RADX: variants seen among roughly 807,000 people sequenced by gnomAD.
RADX encodes the protein RPA1 related single stranded DNA binding protein, X-linked.
RADX carries 36 observed loss-of-function variants against 61.6 expected under a neutral mutation model. The observed-to-expected ratio is 0.58, with a 90% CI of 0.45 to 0.77. The LOEUF is 0.77. RADX is among the 30% of genes least tolerant of loss of function. RADX has a pLI of 0.00. For synonymous variants in RADX, 272 were observed against 237.9 expected, an observed-to-expected ratio of 1.14 and a Z score of -1.32; for missense variants, 497 against 651.1, an observed-to-expected ratio of 0.76 and a Z score of 2.58.
chrX:106,622,889 C>A, intron 2 of RADX, 96 bp downstream of exon 2: 1 of 442,405 alleles, frequency 2.3e-6, no homozygotes, highest in Non-Finnish European at 3.6e-6. Context: ...GTTTAAATAA[C>A]ATTTCATAAG....
chrX:106,673,183 G>T (rs770572881), intron 13 of RADX, among the ~76,000 whole-genome samples: 6 of 111,449 alleles, frequency 5.4e-5, no homozygotes, highest in African/African-American at 2.0e-4. Context: ...TCTGCTTTTC[G>T]CAAGTAAATG....
intron 12 of RADX, among the ~76,000 whole-genome samples, chrX:106,667,205 G>A (rs1055145170): frequency 1.8e-5 from 2 of 111,995 alleles, no homozygotes; most frequent in African/African-American, 6.5e-5. Context: ...ACTTGGGGGA[G>A]ATGTAGTTAT....
At chrX:106,644,503 G>T (rs1302248705) in intron 10 of RADX, among the ~76,000 whole-genome samples, 3 of 111,161 alleles carry the variant, frequency 2.7e-5, no homozygotes, top group Non-Finnish European at 5.7e-5. Context: ...TTTATCAAAT[G>T]TTTTTTCAAC....
At position 106,622,690 on chromosome X, in the gene RADX, G is replaced by T; in HGVS notation, c.683G>T (p.Trp228Leu). 8.5e-7 allele frequency: 1 copy of T among 1,175,135 alleles called. No individual in the cohort carries two copies. Among genetic ancestry groups the T allele is most frequent in the Non-Finnish European group, 1.2e-6 (1 of 867,719 alleles). Residue 228 changes from tryptophan to leucine, a missense_variant, in exon 2 of 14, where the codon TGG becomes TTG. Trp to Leu is a moderately conservative substitution (Grantham distance 61). Around this residue, in one of 3 missense-constraint regions of RADX, gnomAD observed 196 missense variants for 315.0 expected, o/e 0.62. Coordinates refer to ENST00000372548, the MANE Select transcript of RADX (RefSeq NM_018015.6). ...IISLSHLEMT[W>L]TNRRNFPALL... is the part of the protein sequence containing the mutation. ...TCCCTTTCTCATCTTGAAATGACCTGGACTAACAGAAGAAATTTTCCTGCA... is the reference window on the plus strand; with the variant it reads ...TCCCTTTCTCATCTTGAAATGACCTTGACTAACAGAAGAAATTTTCCTGCA...
At chrX:106,614,138 G>T (rs774990914) in intron 1 of RADX, among the ~76,000 whole-genome samples, 1 of 111,677 alleles carries the variant, frequency 9.0e-6, no homozygotes, top group Non-Finnish European at 1.9e-5. Context: ...AATTTATTCA[G>T]TTTTGCTATA....
chrX:106,654,250 C>T (rs1002667226), intron 11 of RADX, among the ~76,000 whole-genome samples: 4 of 111,232 alleles, frequency 3.6e-5, no homozygotes, highest in African/African-American at 1.3e-4. Flanking sequence ...GATGGTATCT[C>T]ATTATGGTTT....
chrX:106,621,638 C>A (rs1175902424), intron 1 of RADX, among the ~76,000 whole-genome samples: 1 of 111,586 alleles, frequency 9.0e-6, no homozygotes, highest in Non-Finnish European at 1.9e-5. Context: ...AATTATATGG[C>A]ATATGAGAAG....
chrX:106,627,618 C>G (rs1335321154), intron 3 of RADX, among the ~76,000 whole-genome samples: 2 of 110,808 alleles, frequency 1.8e-5, no homozygotes, highest in African/African-American at 6.6e-5. Flanking sequence ...TTTTCCCTAT[C>G]CCTCCCCACT....
intron 13 of RADX, 73 bp from the exon 14 acceptor site, chrX:106,678,055 A>G (rs1928550962): frequency 1.5e-6 from 1 of 683,345 alleles, no homozygotes; most frequent in Non-Finnish European, 2.2e-6. Flanking sequence ...AAAAATTAAC[A>G]GCTTATGTGA....
chrX:106,639,301 T>C (rs1927445256), intron 8 of RADX: 1 of 294,770 alleles, frequency 3.4e-6, no homozygotes, highest in Non-Finnish European at 5.9e-6. Context: ...AAATTTATTT[T>C]GCAAATGAGG....
chrX:106,667,370 A>G (rs1011507559), intron 12 of RADX, among the ~76,000 whole-genome samples: 4 of 111,114 alleles, frequency 3.6e-5, no homozygotes, highest in Non-Finnish European at 7.5e-5. Flanking sequence ...AGGCTGGAGT[A>G]CAGTGCTACA....
At chrX:106,649,296 A>AT (rs1927737867) in intron 11 of RADX, among the ~76,000 whole-genome samples, 1 of 104,462 alleles carries the variant, frequency 9.6e-6, no homozygotes, top group African/African-American at 4.2e-5. Context: ...CATAATTTGA[A>AT]TTAAAAAAAT....
intron 2 of RADX, among the ~76,000 whole-genome samples, chrX:106,623,590 T>C (rs188577759): frequency 9.0e-6 from 1 of 110,951 alleles, no homozygotes; most frequent in African/African-American, 3.3e-5. Flanking sequence ...GTAAATCACA[T>C]ATATACACAT....
intron 3 of RADX, among the ~76,000 whole-genome samples, chrX:106,629,741 A>G (rs896244661): frequency 3.6e-5 from 4 of 111,483 alleles, no homozygotes; most frequent in African/African-American, 1.3e-4. Context: ...GAGAAAAATT[A>G]TAGGTCAGCT....
chrX:106,642,985 G>GT (rs1184183580), intron 10 of RADX, among the ~76,000 whole-genome samples: 2 of 110,402 alleles, frequency 1.8e-5, no homozygotes, highest in Admixed American at 1.9e-4. Context: ...CTTTTTGAGG[G>GT]TTTTTTTCAT....
intron 1 of RADX, among the ~76,000 whole-genome samples, chrX:106,621,701 T>A (rs1021230190): frequency 5.4e-5 from 6 of 110,414 alleles, no homozygotes; most frequent in Non-Finnish European, 3.8e-5. Flanking sequence ...AGTAAAGGGG[T>A]CAGTTTTTAA....
At chrX:106,661,372 GT>G (rs10550139) in intron 11 of RADX, among the ~76,000 whole-genome samples, 3,138 of 85,729 alleles carry the variant, frequency 0.037, 126 homozygotes, top group African/African-American at 0.12. Flanking sequence ...TTTTTTTCTT[GT>G]TTTTTTTTTT....
intron 13 of RADX, among the ~76,000 whole-genome samples, chrX:106,675,698 G>T (rs2147646730): frequency 8.9e-6 from 1 of 112,313 alleles, no homozygotes; most frequent in East Asian, 2.8e-4. Flanking sequence ...TTATGCATTT[G>T]TAAGCTTCCT....
At chrX:106,676,206 A>G (rs1928504380) in intron 13 of RADX, among the ~76,000 whole-genome samples, 1 of 112,398 alleles carries the variant, frequency 8.9e-6, no homozygotes, top group Non-Finnish European at 1.9e-5. Context: ...AGAAAATTAT[A>G]TAGTACTACC....
Sources: gnomAD v4.1 joint callset for allele counts (sites outside exome capture counted in the v4.1 genomes callset) on GRCh38, gnomAD v4.1.1 for gene constraint, gnomAD v4.1.1 regional missense constraint, MANE v1.5 for transcripts, NCBI Gene and HGNC (gene_info 2026-07-23, HGNC 2026-07-21) for gene names.